The following C1GALT1 variants were observed in gnomAD, a reference collection of about 807,000 sequenced individuals.
C1GALT1 encodes the protein glycoprotein-N-acetylgalactosamine 3-beta-galactosyltransferase 1.
Under a neutral mutation model 31.0 loss-of-function variants are expected in C1GALT1, and 11 were observed. The ratio of observed to expected loss-of-function variants is 0.36; its 90% CI spans 0.22 to 0.59. C1GALT1 has a LOEUF of 0.59. Ranked by LOEUF, C1GALT1 falls within the 20% of genes least tolerant of loss-of-function variation. C1GALT1 has a pLI of 0.79. For missense variants in C1GALT1, 424 were observed against 425.2 expected, an observed-to-expected ratio of 1.00 and a Z score of 0.03; for synonymous variants, 175 against 143.6, an observed-to-expected ratio of 1.22 and a Z score of -1.56.
intron 1 of C1GALT1, among the ~76,000 whole-genome samples, chr7:7,212,516 A>G (rs1782051781): frequency 6.6e-6 from 1 of 152,236 alleles, no homozygotes; most frequent in South Asian, 2.1e-4. Context: ...CCAGGTGGGG[A>G]AAAATGAACA....
intron 1 of C1GALT1, among the ~76,000 whole-genome samples, chr7:7,188,552 G>A (rs1365459481): frequency 6.6e-6 from 1 of 151,730 alleles, no homozygotes; most frequent in Non-Finnish European, 1.5e-5. Context: ...AGTAATGTGT[G>A]TACCCGATGC....
chr7:7,206,632 C>T (rs6977400), intron 1 of C1GALT1, among the ~76,000 whole-genome samples: 5,870 of 150,046 alleles, frequency 0.039, 264 homozygotes, highest in African/African-American at 0.11. Flanking sequence ...GCCACGATCG[C>T]GCCATTGCAC....
intron 1 of C1GALT1, among the ~76,000 whole-genome samples, chr7:7,211,072 G>A (rs1289348665): frequency 6.6e-6 from 1 of 152,118 alleles, no homozygotes; most frequent in African/African-American, 2.4e-5. Context: ...ACAGCAACTA[G>A]GGCTCCTCCT....
At chr7:7,170,131 A>T (rs1780438001) in intron 2 of C1GALT1, among the ~76,000 whole-genome samples, 1 of 152,194 alleles carries the variant, frequency 6.6e-6, no homozygotes, top group African/African-American at 2.4e-5. Context: ...GCTGGCAGTA[A>T]TGCCCCTATT....
intron 1 of C1GALT1, among the ~76,000 whole-genome samples, chr7:7,192,146 T>C (rs1439436948): frequency 2.0e-5 from 3 of 151,974 alleles, no homozygotes; most frequent in Admixed American, 6.6e-5. Context: ...TTTTCTTCTT[T>C]TTTTTTTATT....
At chr7:7,183,160 C>G (rs922615766) in intron 1 of C1GALT1, among the ~76,000 whole-genome samples, 1 of 151,124 alleles carries the variant, frequency 6.6e-6, no homozygotes, top group African/African-American at 2.4e-5. Context: ...CGCGGCGGGG[C>G]GCGCAGTGCG....
chr7:7,166,669 C>T (rs1004584552), intron 2 of C1GALT1, among the ~76,000 whole-genome samples: 4 of 152,060 alleles, frequency 2.6e-5, no homozygotes, highest in Admixed American at 6.6e-5. Context: ...TAAAAACAAC[C>T]GGGTTGAAAT....
chr7:7,207,335 C>CTTTTT (rs57510429), intron 1 of C1GALT1, among the ~76,000 whole-genome samples: 941 of 48,006 alleles, frequency 0.02, 384 homozygotes, highest in Middle Eastern at 0.04. Context: ...TACTCTGTTG[C>CTTTTT]TTTTTTTTTT....
chr7:7,167,250 CAGG>C (rs2128226986), intron 2 of C1GALT1, among the ~76,000 whole-genome samples: 1 of 152,296 alleles, frequency 6.6e-6, no homozygotes, highest in East Asian at 1.9e-4. Flanking sequence ...TTGAGAGCAA[CAGG>C]TCCTGTTTCT....
At position 7,248,160 on chromosome 7, in the gene C1GALT1, T is replaced by C. The variant is rs1425080956; in HGVS notation, c.*4433T>C. On this transcript the variant is annotated 3_prime_UTR_variant, in exon 4 of 4. Coordinates refer to ENST00000436587, the MANE Select transcript of C1GALT1 (RefSeq NM_020156.5). ...GTAACCTCTGTTGATTTTTTAAAAA[T>C]GTGTTTATATATAAGATTTGAAATA... 1 of 152,006 alleles carries C rather than the reference T, an allele frequency of 6.6e-6. No homozygotes were observed. Among genetic ancestry groups the C allele is most frequent in the Non-Finnish European group, 1.5e-5 (1 of 67,882 alleles). The allele number at this position is 152,006 out of a possible 1,614,324, so 9.4% of individuals were successfully genotyped here.
At chr7:7,216,993 AG>A in intron 1 of C1GALT1, among the ~76,000 whole-genome samples, 1 of 145,730 alleles carries the variant, frequency 6.9e-6, no homozygotes, top group African/African-American at 2.6e-5. Context: ...ACACACACAC[AG>A]GGTAAGAGAT....
At chr7:7,203,922 A>T (rs1376598762) in intron 1 of C1GALT1, among the ~76,000 whole-genome samples, 1 of 151,920 alleles carries the variant, frequency 6.6e-6, no homozygotes, top group South Asian at 2.1e-4. Flanking sequence ...TCCAACTATT[A>T]TCATTAGCTG....
At chr7:7,237,281 C>G (rs1445719548) in intron 2 of C1GALT1, among the ~76,000 whole-genome samples, 6 of 152,196 alleles carry the variant, frequency 3.9e-5, no homozygotes. Context: ...TTCCTCTGTA[C>G]CGGTGCTACT....
intron 1 of C1GALT1, among the ~76,000 whole-genome samples, chr7:7,231,854 A>G (rs1562592346): frequency 6.6e-6 from 1 of 151,908 alleles, no homozygotes; most frequent in Non-Finnish European, 1.5e-5. Context: ...CCAGGAGAAT[A>G]TTTTTACAGT....
intron 1 of C1GALT1, among the ~76,000 whole-genome samples, chr7:7,218,098 TAGGAAAG>T (rs1207547416): frequency 2.0e-5 from 3 of 152,052 alleles, no homozygotes; most frequent in Non-Finnish European, 4.4e-5. Flanking sequence ...CCGTGGGAGT[TAGGAAAG>T]GGGAGCAGTG....
chr7:7,185,372 T>C (rs1484979076), intron 1 of C1GALT1, among the ~76,000 whole-genome samples: 1 of 152,228 alleles, frequency 6.6e-6, no homozygotes, highest in Non-Finnish European at 1.5e-5. Flanking sequence ...TCTTGGTCAT[T>C]GTATTTTCTA....
chr7:7,182,097 T>C (rs138953333), upstream of C1GALT1, among the ~76,000 whole-genome samples: 142 of 152,274 alleles, frequency 9.3e-4, 2 homozygotes, highest in East Asian at 0.022. Context: ...ATACTTCATC[T>C]TATTACTTCC....
chr7:7,201,757 C>G (rs1004491067), intron 1 of C1GALT1, among the ~76,000 whole-genome samples: 8 of 152,204 alleles, frequency 5.3e-5, no homozygotes, highest in African/African-American at 1.9e-4. Context: ...CCCTCCCCCT[C>G]CCCCGAGGAA....
At chr7:7,172,464 A>T (rs1284816562) in intron 2 of C1GALT1, among the ~76,000 whole-genome samples, 1 of 152,058 alleles carries the variant, frequency 6.6e-6, no homozygotes, top group Non-Finnish European at 1.5e-5. Flanking sequence ...GAGTTCATTC[A>T]GTTTCTTGGA....
Sources: gnomAD v4.1 joint callset for allele counts (sites outside exome capture counted in the v4.1 genomes callset) on GRCh38, gnomAD v4.1.1 for gene constraint, MANE v1.5 for transcripts, NCBI Gene and HGNC (gene_info 2026-07-23, HGNC 2026-07-21) for gene names.